The following EPHA7 variants were observed in gnomAD, a reference collection of about 807,000 sequenced individuals.
EPHA7 encodes the protein EPH receptor A7, also known as ephrin type-A receptor 7.
In EPHA7, 25 loss-of-function variants were observed where a neutral mutation model predicts 112.6. The observed-to-expected ratio is 0.22, with a 90% CI of 0.16 to 0.31. The LOEUF is 0.31. Among genes scored for constraint, EPHA7 ranks in the 10% least tolerant of loss-of-function variants. The pLI is 1.00. For synonymous variants in EPHA7, 437 were observed against 406.5 expected, an observed-to-expected ratio of 1.07 and a Z score of -0.90; for missense variants, 962 against 1,212.6, an observed-to-expected ratio of 0.79 and a Z score of 3.07.
chr6:93,309,352 T>A (rs1488601429), intron 5 of EPHA7, among the ~76,000 whole-genome samples: 1 of 152,226 alleles, frequency 6.6e-6, no homozygotes, highest in Non-Finnish European at 1.5e-5. Context: ...GAAGGCTACT[T>A]TCAAAATGTT....
chr6:93,333,402 C>T (rs1774702739), intron 5 of EPHA7, among the ~76,000 whole-genome samples: 1 of 151,748 alleles, frequency 6.6e-6, no homozygotes, highest in Non-Finnish European at 1.5e-5. Context: ...ATTATATATC[C>T]CATAATGGAA....
At position 93,257,345 on chromosome 6, in the gene EPHA7, C is replaced by T. The variant is rs540259811; in HGVS notation, c.2172+117G>A. The T allele has an allele frequency of 1.9e-5, 13 of 667,054 alleles. No individual in the cohort carries two copies. In the African/African-American group the frequency reaches 2.4e-4, roughly 12 times the overall value. 41.3% of individuals were successfully genotyped at this position (667,054 alleles called of 1,614,324 possible). A position where few individuals can be genotyped will look rare whatever the true frequency, so the allele number is the denominator to read the frequency against. On this transcript the variant is annotated intron_variant, in intron 12 of 16. Coordinates refer to ENST00000369303, the MANE Select transcript of EPHA7 (RefSeq NM_004440.4). ...TATTAATCTGATTTTCAAAGACAAT[C>T]TTCTAACCTCTTACTATTTTACAAG...
intron 5 of EPHA7, among the ~76,000 whole-genome samples, chr6:93,327,034 T>A (rs954121157): frequency 2.0e-5 from 3 of 151,548 alleles, no homozygotes; most frequent in African/African-American, 7.3e-5. Flanking sequence ...CTATCTAGAA[T>A]TGGGCACAAT....
intron 10 of EPHA7, 53 bp from the exon 11 acceptor site, chr6:93,258,337 C>A (rs1449898286): frequency 6.9e-7 from 1 of 1,454,610 alleles, no homozygotes; most frequent in Non-Finnish European, 9.2e-7. Flanking sequence ...TTGTAATTTT[C>A]TTTTAAGAGT....
intron 5 of EPHA7, among the ~76,000 whole-genome samples, chr6:93,292,524 G>T (rs968050004): frequency 6.6e-6 from 1 of 152,008 alleles, no homozygotes; most frequent in South Asian, 2.1e-4. Context: ...GCGGTATTCA[G>T]TTAAGTTGCC....
chr6:93,335,334 A>G (rs1030030269), intron 5 of EPHA7, among the ~76,000 whole-genome samples: 3 of 152,092 alleles, frequency 2.0e-5, no homozygotes, highest in Non-Finnish European at 2.9e-5. Context: ...AATCATCAAC[A>G]TATGTGATAC....
chr6:93,371,002 A>G (rs1450573779), intron 3 of EPHA7, among the ~76,000 whole-genome samples: 1 of 151,212 alleles, frequency 6.6e-6, no homozygotes, highest in Non-Finnish European at 1.5e-5. Context: ...AAAAAAAAAA[A>G]AGAAAAAAAA....
chr6:93,269,190 C>T (rs1256217661), intron 7 of EPHA7, among the ~76,000 whole-genome samples: 1 of 151,714 alleles, frequency 6.6e-6, no homozygotes, highest in Non-Finnish European at 1.5e-5. Context: ...TGTGTCAATA[C>T]ACAAATTGAA....
chr6:93,399,492 T>C (rs1188283704), intron 3 of EPHA7, among the ~76,000 whole-genome samples: 3 of 152,116 alleles, frequency 2.0e-5, no homozygotes, highest in Non-Finnish European at 4.4e-5. Context: ...TTCTACAGGA[T>C]TTTTTAGCCT....
chr6:93,368,514 A>G (rs1380106915), intron 3 of EPHA7, among the ~76,000 whole-genome samples: 1 of 152,148 alleles, frequency 6.6e-6, no homozygotes, highest in East Asian at 1.9e-4. Context: ...GGTTACTTCA[A>G]GTTAATAAAA....
At chr6:93,412,932 T>C (rs1044727711) in intron 2 of EPHA7, among the ~76,000 whole-genome samples, 3 of 151,988 alleles carry the variant, frequency 2.0e-5, no homozygotes, top group Non-Finnish European at 4.4e-5. Context: ...ACCCAATTAA[T>C]TTTTATTTTT....
At chr6:93,252,991 A>C (rs1213156176) in intron 14 of EPHA7, among the ~76,000 whole-genome samples, 1 of 152,028 alleles carries the variant, frequency 6.6e-6, no homozygotes, top group Non-Finnish European at 1.5e-5. Context: ...GGAGAAATTA[A>C]TTTTTTTCTT....
In EPHA7 at chr6:93,254,859, T is replaced by G. The variant is rs538441232; in HGVS notation, c.2383-63A>C. The G allele has an allele frequency of 3.6e-6, 5 of 1,371,378 alleles. No homozygotes were observed. In the African/African-American group the frequency reaches 4.3e-5, roughly 12 times the overall value. The allele number at this position is 1,371,378 out of a possible 1,614,324, so 85.0% of individuals were successfully genotyped here. The stretch of plus-strand genomic sequence containing the variant: ...ATAACTGATATATTATTTATGGCAA[T>G]ACCATAAATACATATGTGCATTTTT... On this transcript the variant is annotated intron_variant, in intron 13 of 16. Transcript: ENST00000369303.
chr6:93,301,652 A>G (rs1562081251), intron 5 of EPHA7, among the ~76,000 whole-genome samples: 2 of 152,206 alleles, frequency 1.3e-5, no homozygotes, highest in Admixed American at 1.3e-4. Flanking sequence ...TCATCTCCAC[A>G]TCACCAAAAG....
chr6:93,243,179 T>G lies in EPHA7; in HGVS notation c.*247A>C. 1 of 349,966 alleles carries G rather than the reference T, an allele frequency of 2.9e-6. No homozygotes were observed. Among genetic ancestry groups the G allele is most frequent in the Non-Finnish European group, 5.1e-6 (1 of 194,176 alleles). 21.7% of individuals were successfully genotyped at this position (349,966 alleles called of 1,614,324 possible). A position where few individuals can be genotyped will look rare whatever the true frequency, so the allele number is the denominator to read the frequency against. ...AGAGAGCTCAAGGTGTTTGGATGTTTTTCAGGTAGTACTTTGTTTATTGTC... is the reference window on the plus strand; with the variant it reads ...AGAGAGCTCAAGGTGTTTGGATGTTGTTCAGGTAGTACTTTGTTTATTGTC... On this transcript the variant is annotated 3_prime_UTR_variant, in exon 17 of 17. Coordinates refer to ENST00000369303, the MANE Select transcript of EPHA7 (RefSeq NM_004440.4).
intron 10 of EPHA7, among the ~76,000 whole-genome samples, chr6:93,258,998 C>G (rs1191048267): frequency 6.6e-6 from 1 of 151,722 alleles, no homozygotes; most frequent in Admixed American, 6.6e-5. Flanking sequence ...TGTAAGAAGA[C>G]AGTAAATCAA....
At chr6:93,407,318 C>T (rs950819151) in intron 3 of EPHA7, among the ~76,000 whole-genome samples, 1 of 151,936 alleles carries the variant, frequency 6.6e-6, no homozygotes, top group Non-Finnish European at 1.5e-5. Context: ...TAGTTTTCCT[C>T]AATATAGGAC....
intron 3 of EPHA7, among the ~76,000 whole-genome samples, chr6:93,407,391 G>C (rs1300438799): frequency 6.6e-6 from 1 of 151,936 alleles, no homozygotes; most frequent in Non-Finnish European, 1.5e-5. Context: ...TACTATAAAG[G>C]CAAGCCTGGA....
intron 5 of EPHA7, among the ~76,000 whole-genome samples, chr6:93,321,804 A>G (rs776600867): frequency 5.9e-5 from 9 of 151,866 alleles, no homozygotes; most frequent in Non-Finnish European, 1.3e-4. Context: ...CTGGTCAGTT[A>G]CTCAGGTAAA....
Sources: allele counts gnomAD v4.1 joint callset (sites outside exome capture counted in the v4.1 genomes callset), GRCh38; gene constraint gnomAD v4.1.1; transcripts MANE v1.5; gene names NCBI Gene and HGNC (gene_info 2026-07-23, HGNC 2026-07-21).